PUDP: variants seen among roughly 807,000 people sequenced by gnomAD.
PUDP encodes the protein pseudouridine 5'-phosphatase.
Under a neutral mutation model 9.4 loss-of-function variants are expected in PUDP, and 8 were observed. The ratio of observed to expected loss-of-function variants is 0.85; its 90% confidence interval spans 0.50 to 1.53. The LOEUF is 1.53. PUDP is among the 40% of genes most tolerant of loss of function. The probability of loss-of-function intolerance (pLI) is 0.00; values close to 1 mark genes in which losing one functional copy is unlikely to be tolerated. For synonymous variants in PUDP, 99 were observed against 80.7 expected (o/e 1.23, Z -1.22); for missense variants, 188 against 189.7 (o/e 0.99, Z 0.05).
chrX:6,716,122 A>G (rs770916922), intron 1 of PUDP, among the ~76,000 whole-genome samples: 1 of 99,429 alleles, frequency 1.0e-5, no homozygotes, highest in South Asian at 4.3e-4. Context: ...TATGTTAGCT[A>G]AAAAAAAAAA....
At chrX:7,005,816 T>C (rs1929394702) in intron 1 of PUDP, among the ~76,000 whole-genome samples, 2 of 111,437 alleles carry the variant, frequency 1.8e-5, no homozygotes, top group Non-Finnish European at 3.8e-5. Flanking sequence ...GGAAAATTCA[T>C]ATCCATGAAC....
intron 3 of PUDP, among the ~76,000 whole-genome samples, chrX:6,732,928 C>T (rs760114654): frequency 8.9e-6 from 1 of 111,746 alleles, no homozygotes; most frequent in Non-Finnish European, 1.9e-5. Flanking sequence ...CTAATGTCAG[C>T]GGCCCGCACG....
At chrX:6,856,394 A>C (rs1926906829) in intron 3 of PUDP, among the ~76,000 whole-genome samples, 1 of 112,035 alleles carries the variant, frequency 8.9e-6, no homozygotes, top group Admixed American at 9.5e-5. Flanking sequence ...CATTTCTGGA[A>C]TGCATGCATG....
intron 3 of PUDP, among the ~76,000 whole-genome samples, chrX:6,776,061 C>T (rs1309350606): frequency 1.8e-5 from 2 of 111,916 alleles, no homozygotes; most frequent in African/African-American, 3.3e-5. Flanking sequence ...CACTGGAGAA[C>T]GTCACTGGAC....
intron 3 of PUDP, among the ~76,000 whole-genome samples, chrX:6,853,737 T>C (rs1352954661): frequency 8.9e-6 from 1 of 111,835 alleles, no homozygotes; most frequent in African/African-American, 3.2e-5. Context: ...TGTGGTCTTT[T>C]GTGTCTGGCT....
intron 3 of PUDP, among the ~76,000 whole-genome samples, chrX:7,058,772 T>C (rs1930317831): frequency 8.9e-6 from 1 of 111,884 alleles, no homozygotes; most frequent in African/African-American, 3.3e-5. Flanking sequence ...ATTAGTACTT[T>C]TGTTTATATT....
At chrX:7,048,563 G>A (rs1177753889), downstream of PUDP, among the ~76,000 whole-genome samples, 3 of 112,073 alleles carry the variant, frequency 2.7e-5, no homozygotes, top group South Asian at 7.4e-4. Flanking sequence ...AAACAGTAAC[G>A]GACATGAGAT....
intron 1 of PUDP, among the ~76,000 whole-genome samples, chrX:7,038,615 G>A (rs1159787515): frequency 2.7e-5 from 3 of 111,513 alleles, no homozygotes; most frequent in Non-Finnish European, 5.6e-5. Context: ...CAGTAGTATA[G>A]TGCAATGGGT....
At chrX:6,783,637 G>T (rs148235060) in intron 3 of PUDP, among the ~76,000 whole-genome samples, 1 of 112,089 alleles carries the variant, frequency 8.9e-6, no homozygotes, top group East Asian at 2.8e-4. Flanking sequence ...GTCATGAATG[G>T]ACTTTTAATT....
intron 1 of PUDP, among the ~76,000 whole-genome samples, chrX:6,991,751 CATTTGTTTGA>C (rs1929182043): frequency 9.2e-6 from 1 of 108,415 alleles, no homozygotes; most frequent in Non-Finnish European, 1.9e-5. Flanking sequence ...TTATTTTCCC[CATTTGTTTGA>C]TAACTTAAAG....
At chrX:6,884,095 C>T (rs1276203342) in intron 3 of PUDP, among the ~76,000 whole-genome samples, 1 of 112,201 alleles carries the variant, frequency 8.9e-6, no homozygotes, top group African/African-American at 3.2e-5. Context: ...CCGCCTCAGC[C>T]TCCCAAAGTG....
rs933392399 is a variant in PUDP, at chrX:7,090,395, A to T, written c.281-12946T>A. ...TAGACCCACCATTTCAATGCAACCA[A>T]AGGAGCAGAAATTTTTAAATTTAAA... On this transcript the variant is annotated intron_variant, in intron 2 of 3. Transcript: ENST00000381077. 7.2e-5 allele frequency among the ~76,000 whole-genome samples: 8 copies of T among 111,169 alleles called. No homozygotes were observed. In the South Asian group the frequency reaches 1.2e-3, roughly 16 times the overall value.
intron 3 of PUDP, among the ~76,000 whole-genome samples, chrX:6,926,671 A>G (rs1228478758): frequency 8.9e-6 from 1 of 111,820 alleles, no homozygotes; most frequent in Admixed American, 9.5e-5. Context: ...CTTTTACAAA[A>G]CCATTTTATT....
At chrX:7,034,600 A>C (rs940594919) in intron 1 of PUDP, among the ~76,000 whole-genome samples, 1 of 112,119 alleles carries the variant, frequency 8.9e-6, no homozygotes, top group Admixed American at 9.5e-5. Context: ...TCATCCATGC[A>C]TCTATGTATG....
At chrX:6,779,172 G>A (rs1925516991) in intron 3 of PUDP, among the ~76,000 whole-genome samples, 1 of 111,874 alleles carries the variant, frequency 8.9e-6, no homozygotes, top group South Asian at 3.8e-4. Flanking sequence ...GCCGCCGGGG[G>A]TTCACAGACC....
At chrX:6,845,708 A>C (rs1435701956) in intron 3 of PUDP, among the ~76,000 whole-genome samples, 2 of 112,569 alleles carry the variant, frequency 1.8e-5, no homozygotes, top group African/African-American at 6.5e-5. Flanking sequence ...TTGAAAGGAC[A>C]GATTGAATAT....
intron 2 of PUDP, among the ~76,000 whole-genome samples, chrX:7,081,037 C>A (rs189483898): frequency 1.7e-3 from 187 of 111,863 alleles, no homozygotes; most frequent in Non-Finnish European, 3.1e-3. Flanking sequence ...CTAGATCACA[C>A]AATTTTAAAC....
At chrX:7,139,374 T>A (rs1932775223) in intron 1 of PUDP, among the ~76,000 whole-genome samples, 2 of 112,216 alleles carry the variant, frequency 1.8e-5, no homozygotes, top group South Asian at 7.4e-4. Context: ...CTCAGTTGCA[T>A]GAGTCACATC....
chrX:6,925,865 G>C (rs1928093908), intron 3 of PUDP, among the ~76,000 whole-genome samples: 2 of 111,810 alleles, frequency 1.8e-5, no homozygotes, highest in Non-Finnish European at 3.8e-5. Context: ...AGATAAGGAT[G>C]CTGTGTAGCA....
Sources: gnomAD v4.1 joint callset for allele counts (sites outside exome capture counted in the v4.1 genomes callset) on GRCh38, gnomAD v4.1.1 for gene constraint, MANE v1.5 for transcripts, NCBI Gene and HGNC (gene_info 2026-07-23, HGNC 2026-07-21) for gene names.